Variants in RALGPS1 observed in about 807,000 individuals in gnomAD.
RALGPS1 encodes Ral GEF with PH domain and SH3 binding motif 1.
Under a neutral mutation model 78.8 loss-of-function variants are expected in RALGPS1, and 19 were observed. The ratio of observed to expected loss-of-function variants is 0.24; its 90% confidence interval spans 0.17 to 0.35. The LOEUF is 0.35. RALGPS1 is among the 10% of genes least tolerant of loss of function. The pLI, the probability that RALGPS1 is intolerant of heterozygous loss-of-function variation, is 1.00. For missense variants in RALGPS1, 454 were observed against 688.3 expected, an observed-to-expected ratio of 0.66 and a Z score of 3.81; for synonymous variants, 228 against 256.3, an observed-to-expected ratio of 0.89 and a Z score of 1.06.
In RALGPS1 at chr9:126,962,836, A is replaced by G. The variant is rs565275467; in HGVS notation, c.57+490A>G. Among the ~76,000 whole-genome samples, 7 of 152,350 alleles carry G rather than the reference A, an allele frequency of 4.6e-5. No homozygotes were observed. The East Asian group carries it at 1.4e-3, about 29-fold the overall frequency. ...TGATTTCCATGCTCGGTAATGGCAC[A>G]GAAGCATGCAGGAGGAGTGGGTGCC... On this transcript the variant is annotated intron_variant, in intron 2 of 18. Coordinates refer to ENST00000259351, the MANE Select transcript of RALGPS1 (RefSeq NM_014636.3).
chr9:127,031,048 C>A (rs2046392894), intron 4 of RALGPS1, among the ~76,000 whole-genome samples: 1 of 152,152 alleles, frequency 6.6e-6, no homozygotes, highest in Non-Finnish European at 1.5e-5. Flanking sequence ...ATGTGGGCCT[C>A]AGCGCCCATG....
intron 5 of RALGPS1, among the ~76,000 whole-genome samples, chr9:127,047,971 C>G (rs1040530061): frequency 6.6e-6 from 1 of 152,164 alleles, no homozygotes; most frequent in Admixed American, 6.5e-5. Context: ...CTTCCCATGT[C>G]CTTCAGCATG....
chr9:126,934,760 C>T lies in RALGPS1; in HGVS notation c.-66+19785C>T, dbSNP rs146809645. Among the ~76,000 whole-genome samples, 473 of 152,228 alleles carry T rather than the reference C, an allele frequency of 3.1e-3. 7 individuals carry two copies. The highest frequency in any genetic ancestry group is 0.011 in the African/African-American group (458 of 41,528). The stretch of plus-strand genomic sequence containing the variant: ...CTTGTGTTCCCATTGGTGTCTGTTC[C>T]CCCAACAGCTGGGCTTACTTGGGCA... On this transcript the variant is annotated intron_variant, in intron 1 of 18. Coordinates refer to ENST00000259351, the MANE Select transcript of RALGPS1 (RefSeq NM_014636.3).
At chr9:127,179,482 C>T (rs1208521364) in intron 11 of RALGPS1, among the ~76,000 whole-genome samples, 3 of 152,174 alleles carry the variant, frequency 2.0e-5, no homozygotes, top group Non-Finnish European at 4.4e-5. Flanking sequence ...ATGGGAGGAA[C>T]GCAGGCTTCC....
intron 3 of RALGPS1, among the ~76,000 whole-genome samples, chr9:126,969,695 G>A (rs1359253595): frequency 1.3e-5 from 2 of 152,198 alleles, no homozygotes; most frequent in Admixed American, 6.5e-5. Context: ...TTACCCTGTG[G>A]AATGGCAGAG....
intron 4 of RALGPS1, among the ~76,000 whole-genome samples, chr9:126,999,624 T>C (rs551201323): frequency 6.6e-6 from 1 of 152,372 alleles, no homozygotes; most frequent in Non-Finnish European, 1.5e-5. Context: ...AATAAGCATT[T>C]ATGTTTTCTT....
chr9:127,166,282 AAACCTTTCAAAG>A, intron 9 of RALGPS1, 76 bp downstream of exon 9: 2 of 1,534,414 alleles, frequency 1.3e-6, no homozygotes, highest in Non-Finnish European at 1.8e-6. Flanking sequence ...AAAGCTCTAG[AAACCTTTCAAAG>A]AACTACAAAG....
In RALGPS1 at chr9:127,024,940, A is replaced by G. The variant is rs180865592; in HGVS notation, c.217-9491A>G. Among the ~76,000 whole-genome samples the G allele has an allele frequency of 7.2e-5, 11 of 152,054 alleles. No homozygotes were observed. In the East Asian group the frequency reaches 2.1e-3, roughly 29 times the overall value. ...GTCATATTTATTGAGGTTTAATTAC[A>G]TCCAGTAAAAATCACCCATTTTAGT... is the stretch of plus-strand genomic sequence containing the variant. On this transcript the variant is annotated intron_variant, in intron 4 of 18. Transcript: ENST00000259351.
intron 4 of RALGPS1, among the ~76,000 whole-genome samples, chr9:126,985,755 T>C (rs970148175): frequency 6.6e-6 from 1 of 152,228 alleles, no homozygotes; most frequent in Non-Finnish European, 1.5e-5. Flanking sequence ...TAAAGGTCTT[T>C]GGAAGCACCA....
rs79429208 is a variant in RALGPS1, at chr9:127,038,284, C to T, written c.300+3770C>T. Among the ~76,000 whole-genome samples, 1,207 of 152,352 alleles carry T rather than the reference C, an allele frequency of 7.9e-3. 15 individuals carry two copies. Among genetic ancestry groups the T allele is most frequent in the African/African-American group, 0.028 (1,172 of 41,572 alleles). ...CCCGTGCTATCTAATTCAATTTTCA[C>T]GTGCCTAATGAGATAGATATTTTAC... On this transcript the variant is annotated intron_variant, in intron 5 of 18. Transcript: ENST00000259351.
intron 4 of RALGPS1, among the ~76,000 whole-genome samples, chr9:126,981,981 C>T (rs971086492): frequency 6.6e-6 from 1 of 152,086 alleles, no homozygotes; most frequent in Non-Finnish European, 1.5e-5. Context: ...GGCTCGTGCA[C>T]AATGCCTGGC....
intron 4 of RALGPS1, among the ~76,000 whole-genome samples, 167 bp from the exon 5 acceptor site, chr9:127,034,264 A>G (rs1375943393): frequency 1.3e-5 from 2 of 152,206 alleles, no homozygotes; most frequent in Non-Finnish European, 2.9e-5. Flanking sequence ...CCCAGGCTGC[A>G]CTGTCACCTA....
At chr9:127,073,595 CT>C (rs2050411110) in intron 8 of RALGPS1, among the ~76,000 whole-genome samples, 2 of 152,078 alleles carry the variant, frequency 1.3e-5, no homozygotes, top group Non-Finnish European at 2.9e-5. Flanking sequence ...GTACTGGTTT[CT>C]TTTCCTTTGG....
intron 5 of RALGPS1, among the ~76,000 whole-genome samples, chr9:127,038,168 T>C (rs1475394507): frequency 1.3e-5 from 2 of 152,244 alleles, no homozygotes; most frequent in East Asian, 1.9e-4. Flanking sequence ...ATGTTTCTGC[T>C]TCCTCTTGGC....
intron 4 of RALGPS1, among the ~76,000 whole-genome samples, chr9:127,018,588 GTGCTGCTGCACTCC>G (rs1465690713): frequency 2.0e-5 from 3 of 151,752 alleles, no homozygotes; most frequent in Non-Finnish European, 2.9e-5. Flanking sequence ...AGCTGAGTTT[GTGCTGCTGCACTCC>G]AGCCTGGGTG....
intron 10 of RALGPS1, among the ~76,000 whole-genome samples, chr9:127,170,929 A>G (rs1447015469): frequency 6.6e-6 from 1 of 152,226 alleles, no homozygotes; most frequent in Admixed American, 6.5e-5. Context: ...CCCAAGGGGC[A>G]AGAGATGGGC....
intron 4 of RALGPS1, among the ~76,000 whole-genome samples, chr9:126,986,911 G>A (rs2041852110): frequency 6.6e-6 from 1 of 152,196 alleles, no homozygotes; most frequent in Admixed American, 6.5e-5. Flanking sequence ...AAGTTGGCGG[G>A]GGGTGGAAGT....
At chr9:127,036,907 G>A (rs113790775) in intron 5 of RALGPS1, among the ~76,000 whole-genome samples, 1 of 152,158 alleles carries the variant, frequency 6.6e-6, no homozygotes, top group African/African-American at 2.4e-5. Context: ...ACTGCCTTCC[G>A]GAAGTTTATG....
chr9:127,067,035 A>C lies in RALGPS1; in HGVS notation c.484-2195A>C, dbSNP rs77280499. Among the ~76,000 whole-genome samples the C allele has an allele frequency of 7.5e-3, 1,145 of 152,238 alleles. 6 individuals are homozygous for C. The highest frequency in any genetic ancestry group is 0.044 in the South Asian group (210 of 4,818). On this transcript the variant is annotated intron_variant, in intron 7 of 18. Coordinates refer to ENST00000259351, the MANE Select transcript of RALGPS1 (RefSeq NM_014636.3). ...CTATATCTCTCTCCTGTGTTGAATC[A>C]AGTTCCCCAAAGATATTTGGAAAAG...
Sources: gnomAD v4.1 joint callset for allele counts (sites outside exome capture counted in the v4.1 genomes callset) on GRCh38, gnomAD v4.1.1 for gene constraint, MANE v1.5 for transcripts, NCBI Gene and HGNC (gene_info 2026-07-23, HGNC 2026-07-21) for gene names.